The following PPP1R9A variants were observed in gnomAD, a reference collection of about 807,000 sequenced individuals.
PPP1R9A encodes the protein protein phosphatase 1 regulatory subunit 9A.
In PPP1R9A, 59 loss-of-function variants were observed where a neutral mutation model predicts 141.9. The ratio of observed to expected loss-of-function variants is 0.42; its 90% CI spans 0.34 to 0.52. The LOEUF is 0.52. Ranked by LOEUF, PPP1R9A falls within the 20% of genes least tolerant of loss-of-function variation. PPP1R9A has a pLI of 0.10. For missense variants in PPP1R9A, 1,444 were observed against 1,611.9 expected, an observed-to-expected ratio of 0.90 and a Z score of 1.78; for synonymous variants, 500 against 569.7, an observed-to-expected ratio of 0.88 and a Z score of 1.74.
intron 2 of PPP1R9A, among the ~76,000 whole-genome samples, chr7:95,039,033 T>G (rs1808841751): frequency 6.6e-6 from 1 of 152,170 alleles, no homozygotes; most frequent in Admixed American, 6.5e-5. Flanking sequence ...CTCATTCCTA[T>G]TTCCCATTAT....
chr7:95,237,765 C>G (rs1796917096), intron 8 of PPP1R9A, among the ~76,000 whole-genome samples: 1 of 151,906 alleles, frequency 6.6e-6, no homozygotes, highest in East Asian at 1.9e-4. Context: ...CACTTTGTCC[C>G]AAATTATATT....
In PPP1R9A at chr7:95,076,095, G is replaced by A. The variant is rs1196815228; in HGVS notation, c.1396-35164G>A. On this transcript the variant is annotated intron_variant, in intron 2 of 19. Coordinates refer to ENST00000433360, the MANE Select transcript of PPP1R9A (RefSeq NM_001166160.2). ...TGTGTTTATTTTTCATACAGATCGG[G>A]TCTCACTCTGTTGCCCAGTCTAGTC... Among the ~76,000 whole-genome samples the A allele has an allele frequency of 1.6e-4, 25 of 152,146 alleles. No homozygotes were observed. In the East Asian group the frequency reaches 4.8e-3, roughly 29 times the overall value.
chr7:95,018,848 G>A, intron 2 of PPP1R9A, among the ~76,000 whole-genome samples: 1 of 152,102 alleles, frequency 6.6e-6, no homozygotes, highest in East Asian at 1.9e-4. Context: ...CAGGTGTCTT[G>A]GGTCTTCTGC....
intron 4 of PPP1R9A, among the ~76,000 whole-genome samples, chr7:95,139,093 T>C (rs1264929059): frequency 6.6e-6 from 1 of 152,192 alleles, no homozygotes; most frequent in Non-Finnish European, 1.5e-5. Context: ...AAACAACTTA[T>C]ATTAGTCCAT....
intron 11 of PPP1R9A, 42 bp from the exon 12 acceptor site, chr7:95,251,917 A>T: frequency 6.2e-7 from 1 of 1,607,560 alleles, no homozygotes; most frequent in Non-Finnish European, 8.5e-7. Context: ...CTTGGAGGGG[A>T]GCGCTAGTTT....
chr7:95,011,373 G>A (rs1804392301), intron 2 of PPP1R9A, among the ~76,000 whole-genome samples: 1 of 152,046 alleles, frequency 6.6e-6, no homozygotes, highest in African/African-American at 2.4e-5. Context: ...ATGAGCTACT[G>A]ATTGTAGGGG....
At chr7:94,923,623 T>C (rs1332891558) in intron 2 of PPP1R9A, among the ~76,000 whole-genome samples, 1 of 152,214 alleles carries the variant, frequency 6.6e-6, no homozygotes, top group East Asian at 1.9e-4. Context: ...AAAAAACATA[T>C]TAGTTGAAAA....
chr7:95,122,544 A>G (rs1822830200), intron 4 of PPP1R9A, among the ~76,000 whole-genome samples: 1 of 152,182 alleles, frequency 6.6e-6, no homozygotes, highest in Admixed American at 6.5e-5. Flanking sequence ...ACCACACCTT[A>G]TATCTTCTTT....
intron 16 of PPP1R9A, among the ~76,000 whole-genome samples, chr7:95,279,801 T>A (rs1335469731): frequency 6.6e-6 from 1 of 152,222 alleles, no homozygotes; most frequent in African/African-American, 2.4e-5. Flanking sequence ...TCTTTCAGAT[T>A]TCTATTCATA....
At chr7:94,957,819 G>A (rs1334287679) in intron 2 of PPP1R9A, among the ~76,000 whole-genome samples, 1 of 151,998 alleles carries the variant, frequency 6.6e-6, no homozygotes, top group Non-Finnish European at 1.5e-5. Context: ...GGAATAGTAG[G>A]CAGTAAGCCA....
chr7:94,929,616 C>T (rs1267304581), intron 2 of PPP1R9A, among the ~76,000 whole-genome samples: 1 of 152,118 alleles, frequency 6.6e-6, no homozygotes, highest in Non-Finnish European at 1.5e-5. Flanking sequence ...GATTAAGAAG[C>T]TTCCTTTGTG....
chr7:95,066,015 T>C (rs1313255665), intron 2 of PPP1R9A, among the ~76,000 whole-genome samples: 1 of 152,202 alleles, frequency 6.6e-6, no homozygotes, highest in African/African-American at 2.4e-5. Context: ...TGTATTGTTA[T>C]GGTCCAAATT....
chr7:94,942,436 C>T (rs554501227), intron 2 of PPP1R9A, among the ~76,000 whole-genome samples: 1 of 152,112 alleles, frequency 6.6e-6, no homozygotes, highest in African/African-American at 2.4e-5. Context: ...CAAATCTAGA[C>T]CTCTGTTTGC....
intron 2 of PPP1R9A, among the ~76,000 whole-genome samples, chr7:94,982,596 T>C (rs912181228): frequency 3.3e-5 from 5 of 152,246 alleles, no homozygotes; most frequent in Non-Finnish European, 7.3e-5. Flanking sequence ...CATTTTTTCA[T>C]GTGTCTGTTG....
intron 2 of PPP1R9A, among the ~76,000 whole-genome samples, chr7:94,939,849 C>T (rs904270305): frequency 8.0e-5 from 12 of 149,266 alleles, no homozygotes; most frequent in Non-Finnish European, 1.3e-4. Context: ...CACACACACA[C>T]GTCCCAGGAG....
rs184491256 is a variant in PPP1R9A, at chr7:95,081,903, C to T, written c.1396-29356C>T. On this transcript the variant is annotated intron_variant, in intron 2 of 19. Coordinates refer to ENST00000433360, the MANE Select transcript of PPP1R9A (RefSeq NM_001166160.2). ...CTTCTCCCCTGCCCCCAACAAACTT[C>T]CCAGTGCCATGATAGCCTTGAAACC... 2.6e-5 allele frequency among the ~76,000 whole-genome samples: 4 copies of T among 152,278 alleles called. No homozygotes were observed. In the East Asian group the frequency reaches 7.7e-4, roughly 29 times the overall value.
intron 2 of PPP1R9A, among the ~76,000 whole-genome samples, chr7:94,950,157 C>T (rs189571575): frequency 2.6e-3 from 402 of 152,022 alleles, no homozygotes; most frequent in Middle Eastern, 6.8e-3. Flanking sequence ...ATACCTTTTT[C>T]CTCTCAAAAA....
intron 2 of PPP1R9A, among the ~76,000 whole-genome samples, chr7:94,960,516 C>T (rs1181807519): frequency 2.0e-5 from 3 of 151,668 alleles, no homozygotes; most frequent in Admixed American, 6.6e-5. Context: ...TCCTGAAACC[C>T]TTTTTGAAAG....
chr7:95,267,174 G>A (rs1056234421), intron 12 of PPP1R9A, among the ~76,000 whole-genome samples: 30 of 152,182 alleles, frequency 2.0e-4, no homozygotes, highest in Non-Finnish European at 3.5e-4. Flanking sequence ...ATAGACAAGA[G>A]GCACAAACTG....
Sources: gnomAD v4.1 joint callset for allele counts (sites outside exome capture counted in the v4.1 genomes callset) on GRCh38, gnomAD v4.1.1 for gene constraint, MANE v1.5 for transcripts, NCBI Gene and HGNC (gene_info 2026-07-23, HGNC 2026-07-21) for gene names.